CDK5RAP1: variants seen among roughly 807,000 people sequenced by gnomAD.
CDK5RAP1 encodes the protein mitochondrial tRNA methylthiotransferase CDK5RAP1.
Under a neutral mutation model 64.5 loss-of-function variants are expected in CDK5RAP1, and 62 were observed. The observed-to-expected ratio is 0.96, with a 90% CI of 0.78 to 1.19. CDK5RAP1 has a LOEUF of 1.19. Among genes scored for constraint, CDK5RAP1 ranks in the 50% most tolerant of loss-of-function variants. CDK5RAP1 has a pLI of 0.00. For missense variants in CDK5RAP1, 657 were observed against 735.0 expected, an observed-to-expected ratio of 0.89 and a Z score of 1.23; for synonymous variants, 250 against 261.9, an observed-to-expected ratio of 0.95 and a Z score of 0.44.
intron 10 of CDK5RAP1, 151 bp from the exon 11 acceptor site, chr20:33,370,780 C>T (rs143655403): frequency 1.6e-5 from 11 of 688,484 alleles, no homozygotes; most frequent in African/African-American, 1.1e-4. Flanking sequence ...CAGAGTAAGG[C>T]GGGATAGGCC....
At chr20:33,375,992 C>A (rs528965196) in intron 8 of CDK5RAP1, among the ~76,000 whole-genome samples, 1 of 152,166 alleles carries the variant, frequency 6.6e-6, no homozygotes, top group East Asian at 1.9e-4. Context: ...CAAGTAACTA[C>A]GACTACAGGC....
chr20:33,400,280 G>C (rs780482301), intron 1 of CDK5RAP1, among the ~76,000 whole-genome samples: 27 of 152,236 alleles, frequency 1.8e-4, no homozygotes, highest in Non-Finnish European at 2.9e-4. Flanking sequence ...CACGTGTAAA[G>C]AGCAGATGTG....
At chr20:33,372,964 G>A (rs2146621920) in intron 9 of CDK5RAP1, 1 of 258,710 alleles carries the variant, frequency 3.9e-6, no homozygotes, top group South Asian at 6.9e-5. Flanking sequence ...TCAGGCTGGA[G>A]TGCAATGGCA....
Position 33,394,083 on chromosome 20 carries a change from G to A in CDK5RAP1, c.409-17C>T. ...CACATCTGCCTGAATGGAAAGAAAGGAAAACAAGGAAAATTACATAATATC... is the reference window on the plus strand; with the variant it reads ...CACATCTGCCTGAATGGAAAGAAAGAAAAACAAGGAAAATTACATAATATC... On this transcript the variant is annotated splice_polypyrimidine_tract_variant and intron_variant, in intron 3 of 13. Coordinates refer to ENST00000346416, the MANE Select transcript of CDK5RAP1 (RefSeq NM_016408.4). The A allele has an allele frequency of 6.5e-7, 1 of 1,545,080 alleles. No individual in the cohort carries two copies. The highest frequency in any genetic ancestry group is 9.0e-7 in the Non-Finnish European group (1 of 1,117,116).
chr20:33,392,844 T>C (rs984962936), intron 4 of CDK5RAP1, among the ~76,000 whole-genome samples: 1 of 151,976 alleles, frequency 6.6e-6, no homozygotes, highest in Non-Finnish European at 1.5e-5. Context: ...CCTAATGCCC[T>C]TCTACTTTAA....
intron 7 of CDK5RAP1, among the ~76,000 whole-genome samples, chr20:33,382,622 A>C (rs941357214): frequency 6.6e-6 from 1 of 152,204 alleles, no homozygotes. Context: ...TGGAGGTTGC[A>C]GTGAGCTGAG....
At chr20:33,372,160 T>C (rs967679911) in intron 10 of CDK5RAP1, among the ~76,000 whole-genome samples, 3 of 151,800 alleles carry the variant, frequency 2.0e-5, no homozygotes, top group Non-Finnish European at 4.4e-5. Flanking sequence ...TAAAGTATTC[T>C]AACTCAAAAG....
intron 1 of CDK5RAP1, among the ~76,000 whole-genome samples, chr20:33,400,672 G>T (rs146536380): frequency 6.6e-6 from 1 of 152,084 alleles, no homozygotes; most frequent in Middle Eastern, 3.2e-3. Context: ...AAACTTAGCC[G>T]GGTGTGGTGG....
intron 7 of CDK5RAP1, among the ~76,000 whole-genome samples, chr20:33,381,045 C>T (rs537216136): frequency 3.3e-5 from 5 of 152,206 alleles, no homozygotes; most frequent in African/African-American, 1.2e-4. Context: ...ATAATGGTTG[C>T]TAAAAAAGAC....
intron 12 of CDK5RAP1, among the ~76,000 whole-genome samples, chr20:33,361,903 C>G (rs561604543): frequency 1.4e-5 from 2 of 147,998 alleles, no homozygotes; most frequent in East Asian, 4.0e-4. Flanking sequence ...TTGCAGTGAG[C>G]CGAGATCACG....
rs1166417845 is a variant in CDK5RAP1, at chr20:33,397,084, T to G, written c.-20A>C. The G allele has an allele frequency of 6.3e-7, 1 of 1,575,882 alleles. No individual in the cohort carries two copies. The highest frequency in any genetic ancestry group is 8.6e-7 in the Non-Finnish European group (1 of 1,162,428). The stretch of plus-strand genomic sequence containing the variant: ...GTGCATGGCACTAAACAGCCCACAG[T>G]CTGCAAAAGAATGACAGACATCACC... On this transcript the variant is annotated splice_region_variant and 5_prime_UTR_variant, in exon 2 of 14. Coordinates refer to ENST00000346416, the MANE Select transcript of CDK5RAP1 (RefSeq NM_016408.4).
chr20:33,363,792 G>A (rs148236817), intron 12 of CDK5RAP1, among the ~76,000 whole-genome samples: 30 of 152,210 alleles, frequency 2.0e-4, no homozygotes, highest in African/African-American at 6.7e-4. Flanking sequence ...CAGCTACTCC[G>A]GAGGCTGAAG....
chr20:33,373,014 T>C (rs1174863364), intron 9 of CDK5RAP1: 1 of 226,562 alleles, frequency 4.4e-6, no homozygotes, highest in Admixed American at 6.0e-5. Context: ...TGGGCTCAAG[T>C]GATCCTTCCA....
In CDK5RAP1 at chr20:33,371,012, C is replaced by T. The variant is rs182057570; in HGVS notation, c.1262-383G>A. ...AATGGTCATCTAAGACAGTAGCAGC[C>T]GTTGCATGCGGTAGCTCACCCCTGT... On this transcript the variant is annotated intron_variant, in intron 10 of 13. Transcript: ENST00000346416. 2.0e-5 allele frequency among the ~76,000 whole-genome samples: 3 copies of T among 152,264 alleles called. No individual in the cohort carries two copies. In the East Asian group the frequency reaches 5.8e-4, roughly 29 times the overall value.
At chr20:33,376,450 G>A (rs291707) in intron 8 of CDK5RAP1, among the ~76,000 whole-genome samples, 89,537 of 152,090 alleles carry the variant, frequency 0.59, 27,393 homozygotes, top group South Asian at 0.68. Context: ...GGATTACAGG[G>A]ATGAGCCACC....
At chr20:33,387,277 G>T in intron 6 of CDK5RAP1, 46 bp downstream of exon 6, 35 of 1,363,688 alleles carry the variant, frequency 2.6e-5, no homozygotes, top group Non-Finnish European at 3.3e-5. Flanking sequence ...AAAAAAGTGT[G>T]AAAGGAGGAA....
At chr20:33,370,450 C>A in intron 11 of CDK5RAP1, 49 bp downstream of exon 11, 1 of 1,607,106 alleles carries the variant, frequency 6.2e-7, no homozygotes, top group Non-Finnish European at 8.5e-7. Context: ...AGTCACCACC[C>A]CCAAACTGGT....
intron 7 of CDK5RAP1, chr20:33,383,348 C>T (rs569152362): frequency 6.6e-6 from 1 of 152,048 alleles, no homozygotes; most frequent in Non-Finnish European, 1.5e-5. Flanking sequence ...GGGCTCACAC[C>T]TGTAATCCCA....
chr20:33,384,318 T>C (rs928014926), intron 7 of CDK5RAP1, among the ~76,000 whole-genome samples: 10 of 152,260 alleles, frequency 6.6e-5, no homozygotes, highest in Admixed American at 4.6e-4. Context: ...TTCCTTCTTT[T>C]ATAGGCAAAT....
Sources: allele counts gnomAD v4.1 joint callset (sites outside exome capture counted in the v4.1 genomes callset), GRCh38; gene constraint gnomAD v4.1.1; transcripts MANE v1.5; gene names NCBI Gene and HGNC (gene_info 2026-07-23, HGNC 2026-07-21).